The following DFFA variants were observed in gnomAD, a reference collection of about 807,000 sequenced individuals.
DFFA encodes DNA fragmentation factor subunit alpha, also known as DFF45.
In DFFA, 14 loss-of-function variants were observed where a neutral mutation model predicts 28.0. That is an observed-to-expected ratio of 0.50 (90% CI 0.33 to 0.78). The LOEUF is 0.78. DFFA is among the 30% of genes least tolerant of loss of function. The pLI is 0.02. For synonymous variants in DFFA, 158 were observed against 170.3 expected (o/e 0.93, Z 0.56); for missense variants, 395 against 407.1 (o/e 0.97, Z 0.26).
intron 1 of DFFA, among the ~76,000 whole-genome samples, 161 bp from the exon 2 acceptor site, chr1:10,469,499 C>T (rs1387001822): frequency 1.3e-5 from 2 of 152,104 alleles, no homozygotes; most frequent in African/African-American, 2.4e-5. Flanking sequence ...ACACTCATCA[C>T]GTGCCTGATT....
intron 5 of DFFA, 25 bp from the exon 6 acceptor site, chr1:10,461,727 A>C (rs1640943818): frequency 6.2e-7 from 1 of 1,612,032 alleles, no homozygotes; most frequent in Non-Finnish European, 8.5e-7. Flanking sequence ...AAAACCCCTG[A>C]GAACTGGGCC....
At chr1:10,462,160 C>A (rs1193888580) in intron 5 of DFFA, among the ~76,000 whole-genome samples, 1 of 151,796 alleles carries the variant, frequency 6.6e-6, no homozygotes, top group Non-Finnish European at 1.5e-5. Flanking sequence ...GCCCAGCCTG[C>A]CATGGGCTTT....
intron 3 of DFFA, among the ~76,000 whole-genome samples, chr1:10,464,080 G>A (rs1640988782): frequency 6.6e-6 from 1 of 151,252 alleles, no homozygotes; most frequent in African/African-American, 2.4e-5. Context: ...CAAGAGAAAA[G>A]CATGTAATTT....
intron 5 of DFFA, chr1:10,462,634 TTCC>T: frequency 3.9e-6 from 4 of 1,016,394 alleles, no homozygotes; most frequent in Non-Finnish European, 4.7e-6. Context: ...GCAGGTTCCC[TTCC>T]TCAAGTTTTT....
rs972557816 is a variant in DFFA at position 10,457,267 on chromosome 1, A to C, written c.*4223T>G. On this transcript the variant is annotated 3_prime_UTR_variant, in exon 6 of 6. Coordinates refer to ENST00000377038, the MANE Select transcript of DFFA (RefSeq NM_004401.3). ...GTGATCCTTCTGCCTTAGCCTCCCG[A>C]GTATCTAGGATTACAGGCATGTACC... 7.9e-5 allele frequency: 12 copies of C among 152,192 alleles called. No individual in the cohort carries two copies. The highest frequency in any genetic ancestry group is 2.9e-4 in the African/African-American group (12 of 41,508). The allele number at this position is 152,192 out of a possible 1,614,324, so 9.4% of individuals were successfully genotyped here.
At position 10,469,334 on chromosome 1, in the gene DFFA, A is replaced by C. The variant is rs1641063840; in HGVS notation, c.141T>G (p.Cys47Trp). ...SCLEDLRSKA[C>W]DILAIDKSLT... ...GGGACTTATCAATGGCCAGAATGTC[A>C]CAGGCTGAAAAGAATAAAATATTTG... is the stretch of plus-strand genomic sequence containing the variant. Residue 47 changes from cysteine to tryptophan, a missense_variant, in exon 2 of 6, where the codon TGT (cysteine) becomes TGG (tryptophan). By Grantham distance (215) the Cys-to-Trp change is radical. Transcript: ENST00000377038. The C allele has an allele frequency of 6.2e-7, 1 of 1,613,022 alleles. No individual in the cohort carries two copies. Among genetic ancestry groups the C allele is most frequent in the African/African-American group, 1.3e-5 (1 of 74,892 alleles).
Position 10,459,955 on chromosome 1 carries a change from T to C in DFFA, c.*1535A>G, listed in dbSNP as rs75678640. 6.6e-6 allele frequency: 1 copy of C among 152,108 alleles called. No individual in the cohort carries two copies. The highest frequency in any genetic ancestry group is 2.4e-5 in the African/African-American group (1 of 41,512). The allele number at this position is 152,108 out of a possible 1,614,324, so 9.4% of individuals were successfully genotyped here. A position where few individuals can be genotyped will look rare whatever the true frequency, so the allele number is the denominator to read the frequency against. On this transcript the variant is annotated 3_prime_UTR_variant, in exon 6 of 6. Transcript: ENST00000377038. ...TGACAATTACTTTATTTAAAAGCTTTTTTTTCTGGCCAGGGGTGGTGGCTC... is the reference window on the plus strand; with the variant it reads ...TGACAATTACTTTATTTAAAAGCTTCTTTTTCTGGCCAGGGGTGGTGGCTC...
chr1:10,462,069 A>G (rs959798189), intron 5 of DFFA, among the ~76,000 whole-genome samples: 1 of 152,186 alleles, frequency 6.6e-6, no homozygotes, highest in African/African-American at 2.4e-5. Context: ...CGTGTTCGCC[A>G]GGATGGTCTC....
rs376487806 is a variant in DFFA at position 10,464,993 on chromosome 1, A to T, written c.442-1373T>A. ...TGGGTCAAGCACAGAGGCTCATATC[A>T]ATAATCCCAGCACTTTGGGAGGCCA... is the stretch of plus-strand genomic sequence containing the variant. On this transcript the variant is annotated intron_variant, in intron 3 of 5. Coordinates refer to ENST00000377038, the MANE Select transcript of DFFA (RefSeq NM_004401.3). 3.3e-5 allele frequency among the ~76,000 whole-genome samples: 5 copies of T among 151,584 alleles called. No individual in the cohort carries two copies. In the East Asian group the frequency reaches 9.9e-4, roughly 30 times the overall value.
At chr1:10,467,128 G>A (rs1641033869) in intron 3 of DFFA, 62 bp downstream of exon 3, 3 of 1,589,878 alleles carry the variant, frequency 1.9e-6, no homozygotes, top group East Asian at 2.2e-5. Context: ...AAGCTAAGAA[G>A]GTGCTGGGGC....
chr1:10,463,383 C>T (rs1049121703), intron 4 of DFFA, 48 bp downstream of exon 4: 1 of 1,570,926 alleles, frequency 6.4e-7, no homozygotes, highest in Non-Finnish European at 8.6e-7. Flanking sequence ...AGGGACGCCT[C>T]CATCAGCCCT....
Position 10,472,387 on chromosome 1 carries a change from G to A in DFFA, c.72C>T (p.Arg24=), listed in dbSNP as rs1371914030. 2 of 1,612,570 alleles carry A rather than the reference G, an allele frequency of 1.2e-6. No homozygotes were observed. Among genetic ancestry groups the A allele is most frequent in the East Asian group, 2.2e-5 (1 of 44,702 alleles). The part of the protein sequence containing the change: ...EIRTLKPCLL[R]RNYSREQHGV... The stretch of plus-strand genomic sequence containing the variant: ...CGTGCTGTTCGCGGCTGTAGTTGCG[G>A]CGCAGCAGACACGGCTTTAGAGTCC... Residue 24 remains arginine, a synonymous_variant, in exon 1 of 6, where the codon CGC becomes CGT. Coordinates refer to ENST00000377038, the MANE Select transcript of DFFA (RefSeq NM_004401.3). This position sits in a 1 kb window ranked among gnomAD's most constrained non-coding sequence, Gnocchi z 5.0.
chr1:10,461,955 C>T lies in DFFA; in HGVS notation c.784-253G>A, dbSNP rs533118271. 5.8e-5 allele frequency: 40 copies of T among 683,802 alleles called. No homozygotes were observed. In the South Asian group the frequency reaches 1.3e-3, roughly 21 times the overall value. 42.4% of individuals were successfully genotyped at this position (683,802 alleles called of 1,614,324 possible). A position where few individuals can be genotyped will look rare whatever the true frequency, so the allele number is the denominator to read the frequency against. On this transcript the variant is annotated intron_variant, in intron 5 of 5. Transcript: ENST00000377038. The stretch of plus-strand genomic sequence containing the variant: ...CTGCAAGCTCCGCCTCCCGGATTCA[C>T]GCCATTCTCCTGCCTCAGCCCCCTG...
chr1:10,462,963 G>C (rs1267241730), intron 5 of DFFA, 95 bp downstream of exon 5: 1 of 1,574,900 alleles, frequency 6.3e-7, no homozygotes, highest in East Asian at 2.3e-5. Flanking sequence ...ACAGTCTGCA[G>C]AGGTGAACAA....
chr1:10,466,242 G>A (rs1423032087), intron 3 of DFFA, among the ~76,000 whole-genome samples: 1 of 152,084 alleles, frequency 6.6e-6, no homozygotes, highest in Non-Finnish European at 1.5e-5. Context: ...GGAGTGCAGT[G>A]GTGCGATCTC....
In DFFA at chr1:10,461,561, T is replaced by A. The variant is rs1382449529; in HGVS notation, c.925A>T (p.Ile309Phe). The change falls in exon 6 of 6, where the codon ATC becomes TTC. Residue 309 changes from isoleucine (I) to phenylalanine (F), a missense_variant. Physicochemically the swap from Ile to Phe is conservative, Grantham distance 21. Coordinates refer to ENST00000377038, the MANE Select transcript of DFFA (RefSeq NM_004401.3). ...QTQSLHSLRS[I>F]SASKASPPGD... ...GGTGGTGAGGCCTTGCTTGCTGAGA[T>A]GCTCCGGAGAGAATGCAAGCTCTGC... 2 of 1,614,128 alleles carry A rather than the reference T, an allele frequency of 1.2e-6. No homozygotes were observed. Among genetic ancestry groups the A allele is most frequent in the Admixed American group, 1.7e-5 (1 of 60,024 alleles).
chr1:10,469,611 C>G (rs1217963334), intron 1 of DFFA, among the ~76,000 whole-genome samples: 1 of 152,128 alleles, frequency 6.6e-6, no homozygotes, highest in Non-Finnish European at 1.5e-5. Context: ...ACCTCTGCCT[C>G]CCAGGTTCAA....
chr1:10,470,574 A>G (rs1158157743), intron 1 of DFFA, among the ~76,000 whole-genome samples: 1 of 150,230 alleles, frequency 6.7e-6, no homozygotes, highest in African/African-American at 2.4e-5. Flanking sequence ...ACAGGCGCCC[A>G]CCACCACGCC....
In DFFA at chr1:10,472,174, G is replaced by T; in HGVS notation, c.136+149C>A. 1.1e-6 allele frequency: 1 copy of T among 927,046 alleles called. No individual in the cohort carries two copies. Among genetic ancestry groups the T allele is most frequent in the Non-Finnish European group, 1.5e-6 (1 of 654,056 alleles). The allele number at this position is 927,046 out of a possible 1,614,324, so 57.4% of individuals were successfully genotyped here. A position where few individuals can be genotyped will look rare whatever the true frequency, so the allele number is the denominator to read the frequency against. On this transcript the variant is annotated intron_variant, in intron 1 of 5. Transcript: ENST00000377038. This position sits in a 1 kb window ranked among gnomAD's most constrained non-coding sequence, Gnocchi z 5.0. Reference sequence around the variant, plus strand: ...CTCAAGCGCCTTAAATCTGTAAATCGCTATGCCCACTCGGACCGTTTCTGT... The same window carrying T: ...CTCAAGCGCCTTAAATCTGTAAATCTCTATGCCCACTCGGACCGTTTCTGT...
Sources: allele counts gnomAD v4.1 joint callset (sites outside exome capture counted in the v4.1 genomes callset), GRCh38; gene constraint gnomAD v4.1.1; non-coding constraint Gnocchi (gnomAD v3.1); transcripts MANE v1.5; gene names NCBI Gene and HGNC (gene_info 2026-07-23, HGNC 2026-07-21).